PLPP1: variants seen among roughly 807,000 people sequenced by gnomAD.
PLPP1 encodes lipid phosphate phosphohydrolase 1a.
Under a neutral mutation model 31.2 loss-of-function variants are expected in PLPP1, and 24 were observed. That is an observed-to-expected ratio of 0.77 (90% CI 0.56 to 1.08). The LOEUF is 1.08. Ranked by LOEUF, PLPP1 falls within the 50% of genes least tolerant of loss-of-function variation. The pLI is 0.00. For synonymous variants in PLPP1, 146 were observed against 126.3 expected, an observed-to-expected ratio of 1.16 and a Z score of -1.05; for missense variants, 319 against 342.7, an observed-to-expected ratio of 0.93 and a Z score of 0.55.
At chr5:55,517,816 G>C (rs918595687) in intron 1 of PLPP1, among the ~76,000 whole-genome samples, 1 of 152,134 alleles carries the variant, frequency 6.6e-6, no homozygotes, top group African/African-American at 2.4e-5. Context: ...GCTCCTGAAA[G>C]GCAAAAACAG....
intron 3 of PLPP1, among the ~76,000 whole-genome samples, chr5:55,445,235 TTCTTCTATC>T (rs1353432192): frequency 1.3e-5 from 2 of 152,174 alleles, no homozygotes; most frequent in African/African-American, 4.8e-5. Context: ...CGACTGAGCA[TTCTTCTATC>T]TCTGTGCTCC....
intron 2 of PLPP1, among the ~76,000 whole-genome samples, chr5:55,470,889 TAAAAC>T (rs1412240989): frequency 3.3e-5 from 5 of 152,150 alleles, no homozygotes; most frequent in Non-Finnish European, 7.4e-5. Context: ...TTTGGAGAAG[TAAAAC>T]AATACTTATG....
intron 4 of PLPP1, 24 bp downstream of exon 4, chr5:55,441,827 C>A: frequency 6.2e-7 from 1 of 1,606,284 alleles, no homozygotes; most frequent in South Asian, 1.1e-5. Context: ...ATAACCTAAC[C>A]GTCAACAGAC....
chr5:55,429,279 C>T (rs901909744), intron 4 of PLPP1, among the ~76,000 whole-genome samples: 9 of 150,310 alleles, frequency 6.0e-5, no homozygotes, highest in Non-Finnish European at 1.0e-4. Context: ...GCCCCTGGTA[C>T]TTGCTTTCTG....
At position 55,496,834 on chromosome 5, in the gene PLPP1, C is replaced by T. The variant is rs111229993; in HGVS notation, c.59-21384G>A. ...AATTCAGTGATAATTGAAACCTCTT[C>T]CATTTTATTAAATATATGTCATACA... On this transcript the variant is annotated intron_variant, in intron 1 of 5. Coordinates refer to ENST00000307259, the MANE Select transcript of PLPP1 (RefSeq NM_003711.4). 5.4e-3 allele frequency among the ~76,000 whole-genome samples: 825 copies of T among 152,240 alleles called. 4 individuals are homozygous for T. Among genetic ancestry groups the T allele is most frequent in the African/African-American group, 0.019 (793 of 41,532 alleles).
intron 4 of PLPP1, 45 bp from the exon 5 acceptor site, chr5:55,426,084 G>T: frequency 6.8e-7 from 1 of 1,479,386 alleles, no homozygotes; most frequent in Non-Finnish European, 9.1e-7. Flanking sequence ...TTAACATAAC[G>T]CAAAACTTTT....
chr5:55,513,901 G>A (rs1353573733), intron 1 of PLPP1, among the ~76,000 whole-genome samples: 1 of 152,190 alleles, frequency 6.6e-6, no homozygotes. Context: ...ACTTCAGCCT[G>A]GGAGACAGAT....
chr5:55,440,919 A>G (rs565854627), intron 4 of PLPP1, among the ~76,000 whole-genome samples: 21 of 152,264 alleles, frequency 1.4e-4, no homozygotes, highest in African/African-American at 4.6e-4. Flanking sequence ...ACAACTGTAT[A>G]AAAATCCCCT....
At chr5:55,506,055 TCAAAA>T (rs111657740) in intron 1 of PLPP1, among the ~76,000 whole-genome samples, 3,645 of 151,820 alleles carry the variant, frequency 0.024, 43 homozygotes, top group Middle Eastern at 0.048. Context: ...AGACTCTGTC[TCAAAA>T]CAAAACAAAA....
intron 3 of PLPP1, among the ~76,000 whole-genome samples, chr5:55,451,427 T>C (rs1320497237): frequency 1.3e-5 from 2 of 152,186 alleles, no homozygotes; most frequent in African/African-American, 4.8e-5. Flanking sequence ...TGTAAAATTA[T>C]TAGAGCCCAG....
chr5:55,462,661 G>C (rs1678812924), intron 3 of PLPP1, among the ~76,000 whole-genome samples: 1 of 152,074 alleles, frequency 6.6e-6, no homozygotes, highest in African/African-American at 2.4e-5. Flanking sequence ...TTTTAAGCTT[G>C]AAAAACCACC....
In PLPP1 at chr5:55,491,824, C is replaced by CTCCA. The variant is rs1752895116; in HGVS notation, c.59-16378_59-16375dup. Among the ~76,000 whole-genome samples the CTCCA allele has an allele frequency of 3.4e-5, 5 of 145,820 alleles. No homozygotes were observed. In the South Asian group the frequency reaches 1.1e-3, roughly 31 times the overall value. On this transcript the variant is annotated intron_variant, in intron 1 of 5. Transcript: ENST00000307259. ...AGTGAGTCAAGATTGTGCCACTGCA[C>CTCCA]TCCAGCCTGGCCAACAGAGCAAGAC...
chr5:55,512,671 C>A (rs1753461577), intron 1 of PLPP1, among the ~76,000 whole-genome samples: 1 of 151,846 alleles, frequency 6.6e-6, no homozygotes, highest in Non-Finnish European at 1.5e-5. Context: ...CAAACCTATA[C>A]AATGAAATAC....
intron 1 of PLPP1, among the ~76,000 whole-genome samples, chr5:55,520,128 T>C (rs1165878059): frequency 6.6e-6 from 1 of 152,240 alleles, no homozygotes; most frequent in Non-Finnish European, 1.5e-5. Flanking sequence ...TTCATATTTC[T>C]AGTTTGCTGT....
rs200137273 is a variant in PLPP1, at chr5:55,494,401, G to GA, written c.59-18952dup. Among the ~76,000 whole-genome samples, 187 of 152,244 alleles carry GA rather than the reference G, an allele frequency of 1.2e-3. 1 individual carries two copies. Among genetic ancestry groups the GA allele is most frequent in the African/African-American group, 4.2e-3 (175 of 41,542 alleles). On this transcript the variant is annotated intron_variant, in intron 1 of 5. Coordinates refer to ENST00000307259, the MANE Select transcript of PLPP1 (RefSeq NM_003711.4). ...TTCAGGGTTTGGACATATGAAGAACGAAAGTTCCATTGATAGAAATGAGAA... is the reference window on the plus strand; with the variant it reads ...TTCAGGGTTTGGACATATGAAGAACGAAAAGTTCCATTGATAGAAATGAGAA...
At chr5:55,468,749 GC>G (rs1172548278) in intron 2 of PLPP1, among the ~76,000 whole-genome samples, 2 of 152,144 alleles carry the variant, frequency 1.3e-5, no homozygotes, top group Non-Finnish European at 2.9e-5. Context: ...GTTGCAGTGA[GC>G]CGAGATCATG....
intron 3 of PLPP1, among the ~76,000 whole-genome samples, chr5:55,450,489 T>C (rs1050795248): frequency 1.4e-4 from 22 of 152,144 alleles, no homozygotes; most frequent in African/African-American, 4.1e-4. Context: ...CAGAACTCGG[T>C]ATATCTTGAA....
chr5:55,450,203 C>A (rs1215681201), intron 3 of PLPP1, among the ~76,000 whole-genome samples: 1 of 152,118 alleles, frequency 6.6e-6, no homozygotes, highest in African/African-American at 2.4e-5. Flanking sequence ...CTATTTTAGT[C>A]ATTAATTCCT....
intron 1 of PLPP1, chr5:55,530,352 AAGTGATTACTGTTAG>A (rs1257413287): frequency 7.3e-7 from 1 of 1,376,490 alleles, no homozygotes; most frequent in Non-Finnish European, 1.0e-6. Flanking sequence ...TATCTGAAAT[AAGTGATTACTGTTAG>A]AGTGATCCAG....
Sources: allele counts gnomAD v4.1 joint callset (sites outside exome capture counted in the v4.1 genomes callset), GRCh38; gene constraint gnomAD v4.1.1; transcripts MANE v1.5; gene names NCBI Gene and HGNC (gene_info 2026-07-23, HGNC 2026-07-21).